The following GRHL1 variants were observed in gnomAD, a reference collection of about 807,000 sequenced individuals.
GRHL1 encodes the protein grainyhead-like protein 1 homolog.
A neutral mutation model predicts 75.7 loss-of-function variants in GRHL1; 38 were observed. The observed-to-expected ratio is 0.50, with a 90% CI of 0.39 to 0.66. GRHL1 has a LOEUF of 0.66. GRHL1 is among the 30% of genes least tolerant of loss of function. The pLI, the probability that GRHL1 is intolerant of heterozygous loss-of-function variation, is 0.00. For synonymous variants in GRHL1, 266 were observed against 279.4 expected, an observed-to-expected ratio of 0.95 and a Z score of 0.48; for missense variants, 589 against 767.5, an observed-to-expected ratio of 0.77 and a Z score of 2.75.
chr2:9,966,813 G>A (rs1667513782), intron 8 of GRHL1, among the ~76,000 whole-genome samples: 1 of 152,130 alleles, frequency 6.6e-6, no homozygotes, highest in African/African-American at 2.4e-5. Context: ...GGGCCCACCA[G>A]GCAGTGAGGA....
chr2:9,969,880 T>C (rs949041190), intron 8 of GRHL1, among the ~76,000 whole-genome samples: 1 of 149,872 alleles, frequency 6.7e-6, no homozygotes, highest in Non-Finnish European at 1.5e-5. Context: ...TCTCACTCTT[T>C]CGCCCAGGCT....
chr2:9,973,745 G>A (rs573086531), intron 8 of GRHL1, among the ~76,000 whole-genome samples: 1 of 152,286 alleles, frequency 6.6e-6, no homozygotes, highest in South Asian at 2.1e-4. Context: ...CAATTTAGTA[G>A]ATAGGTTACT....
chr2:9,987,827 A>AG lies in GRHL1; in HGVS notation c.1269+1546dup, dbSNP rs1295390663. On this transcript the variant is annotated intron_variant, in intron 9 of 15. Coordinates refer to ENST00000324907, the MANE Select transcript of GRHL1 (RefSeq NM_198182.3). This position sits in a 1 kb window ranked among gnomAD's most constrained non-coding sequence, Gnocchi z 4.2. ...GATGAGTGGACATTCCATTGAACTAAGACAGCAAGATCTTGAGTTTTTCCT... is the reference window on the plus strand; with the variant it reads ...GATGAGTGGACATTCCATTGAACTAAGGACAGCAAGATCTTGAGTTTTTCCT... Among the ~76,000 whole-genome samples, 2 of 152,202 alleles carry AG rather than the reference A, an allele frequency of 1.3e-5. No individual in the cohort carries two copies. The highest frequency in any genetic ancestry group is 2.4e-5 in the African/African-American group (1 of 41,452).
intron 14 of GRHL1, among the ~76,000 whole-genome samples, chr2:9,997,828 A>C (rs1260405252): frequency 6.6e-6 from 1 of 151,994 alleles, no homozygotes; most frequent in African/African-American, 2.4e-5. Flanking sequence ...CAAAAAAAAA[A>C]AAACAACAAA....
intron 8 of GRHL1, among the ~76,000 whole-genome samples, chr2:9,982,164 T>A (rs77246846): frequency 3.2e-4 from 49 of 152,208 alleles, no homozygotes; most frequent in Non-Finnish European, 1.0e-4. Context: ...TCTGTAAAAA[T>A]TTTGTTTAAT....
chr2:9,998,782 G>GTA (rs199689931), intron 14 of GRHL1, among the ~76,000 whole-genome samples, 183 bp from the exon 15 acceptor site: 1 of 28,448 alleles, frequency 3.5e-5, no homozygotes, highest in Non-Finnish European at 6.0e-5. Context: ...ACATATATAC[G>GTA]TATATATATG....
At chr2:9,981,236 T>G in intron 8 of GRHL1, among the ~76,000 whole-genome samples, 1 of 152,198 alleles carries the variant, frequency 6.6e-6, no homozygotes, top group Non-Finnish European at 1.5e-5. Context: ...CACTTCTCCC[T>G]CAGAACTTAC....
At chr2:9,952,053 G>A (rs939208251) in intron 1 of GRHL1, among the ~76,000 whole-genome samples, 200 bp downstream of exon 1, 3 of 151,824 alleles carry the variant, frequency 2.0e-5, no homozygotes, top group Non-Finnish European at 4.4e-5. Context: ...GGAGCCTCGG[G>A]AGGAGAGACC....
At chr2:9,998,567 T>C (rs1669024730) in intron 14 of GRHL1, among the ~76,000 whole-genome samples, 1 of 62,134 alleles carries the variant, frequency 1.6e-5, no homozygotes, top group African/African-American at 1.5e-4. Flanking sequence ...TGTGTACATG[T>C]ATATATATAC....
rs1171600657 is a variant in GRHL1 at position 9,954,965 on chromosome 2, G to A, written c.71G>A (p.Arg24Gln). 22 of 1,613,306 alleles carry A rather than the reference G, an allele frequency of 1.4e-5. No homozygotes were observed. The highest frequency in any genetic ancestry group is 1.6e-4 in the Middle Eastern group (1 of 6,062). ...AATGAAGCACTTTATCCACAGCGGC[G>A]GTCCTACACTAGTGAGGATGAGGCC... ...LQNEALYPQR[R>Q]SYTSEDEAWK... The change falls in exon 2 of 16, where the codon CGG becomes CAG. Residue 24 changes from arginine (R) to glutamine (Q), a missense_variant. Physicochemically the swap from Arg to Gln is conservative, Grantham distance 43 (BLOSUM62 1). Transcript: ENST00000324907.
chr2:9,958,953 T>C lies in GRHL1; in HGVS notation c.278+97T>C, dbSNP rs10192887. ...GTTTGTTTAAATGAACAACCACTAGTGAAAGAGATAGGTAAGTTGGACTCT... is the reference window on the plus strand; with the variant it reads ...GTTTGTTTAAATGAACAACCACTAGCGAAAGAGATAGGTAAGTTGGACTCT... On this transcript the variant is annotated intron_variant, in intron 3 of 15. Coordinates refer to ENST00000324907, the MANE Select transcript of GRHL1 (RefSeq NM_198182.3). 257 of 1,520,134 alleles carry C rather than the reference T, an allele frequency of 1.7e-4. No individual in the cohort carries two copies. In the African/African-American group the frequency reaches 3.2e-3, roughly 19 times the overall value. The allele number at this position is 1,520,134 out of a possible 1,614,324, so 94.2% of individuals were successfully genotyped here. A position where few individuals can be genotyped will look rare whatever the true frequency, so the allele number is the denominator to read the frequency against.
intron 3 of GRHL1, 173 bp from the exon 4 acceptor site, chr2:9,960,873 G>A (rs1380518661): frequency 2.9e-5 from 16 of 543,952 alleles, no homozygotes; most frequent in Non-Finnish European, 4.8e-5. Context: ...TTATTTGACC[G>A]ATAACCAGAA....
rs367703344 is a variant in GRHL1 at position 9,999,453 on chromosome 2, C to T, written c.1742+424C>T. ...CTCCGTGTGTCGAGCCCGTTGGAGC[C>T]GGGCACTGGGTTGGGCACGTCCCAC... On this transcript the variant is annotated intron_variant, in intron 15 of 15. Transcript: ENST00000324907. 1.8e-4 allele frequency among the ~76,000 whole-genome samples: 27 copies of T among 152,342 alleles called. 1 individual carries two copies. The highest frequency in any genetic ancestry group is 6.3e-4 in the African/African-American group (26 of 41,584).
At position 9,961,427 on chromosome 2, in the gene GRHL1, C is replaced by T. The variant is rs1014433260; in HGVS notation, c.660C>T (p.Gly220=). 4 of 1,604,626 alleles carry T rather than the reference C, an allele frequency of 2.5e-6. No individual in the cohort carries two copies. In the African/African-American group the frequency reaches 4.0e-5, roughly 16 times the overall value. The change falls in exon 4 of 16, where the codon GGC becomes GGT. Residue 220 remains glycine, a synonymous_variant. Coordinates refer to ENST00000324907, the MANE Select transcript of GRHL1 (RefSeq NM_198182.3). ...DSTFSETFKE[G]VQEVFFPSDL... Reference sequence around the variant, plus strand: ...CCTTCTCAGAGACCTTCAAGGAAGGCGTTCAGGAGGTAAGGAAACAAAAAC... The same window carrying T: ...CCTTCTCAGAGACCTTCAAGGAAGGTGTTCAGGAGGTAAGGAAACAAAAAC...
intron 1 of GRHL1, among the ~76,000 whole-genome samples, chr2:9,954,376 A>G (rs1186615053): frequency 6.6e-6 from 1 of 152,086 alleles, no homozygotes; most frequent in Non-Finnish European, 1.5e-5. Flanking sequence ...GCTTTCTCAT[A>G]TACCCTGGAG....
Position 9,962,469 on chromosome 2 carries a change from G to A in GRHL1, c.684G>A (p.Ser228=), listed in dbSNP as rs1667318703. 3.1e-6 allele frequency: 5 copies of A among 1,597,446 alleles called. No homozygotes were observed. Among genetic ancestry groups the A allele is most frequent in the African/African-American group, 1.3e-5 (1 of 74,628 alleles). Residue 228 remains serine, a synonymous_variant, in exon 5 of 16, where the codon TCG becomes TCA. Coordinates refer to ENST00000324907, the MANE Select transcript of GRHL1 (RefSeq NM_198182.3). ...KEGVQEVFFP[S]DLSLRMPGMN... ...TGATATTTCAGGTTTTCTTCCCCTC[G>A]GATCTCAGTCTGCGGATGCCTGGCA...
At chr2:9,993,643 G>C (rs906719916) in intron 12 of GRHL1, among the ~76,000 whole-genome samples, 1 of 152,178 alleles carries the variant, frequency 6.6e-6, no homozygotes, top group African/African-American at 2.4e-5. Context: ...CTTAGTTTGC[G>C]TGTGTCTGCT....
intron 3 of GRHL1, 120 bp downstream of exon 3, chr2:9,958,976 T>A: frequency 2.2e-6 from 3 of 1,394,256 alleles, no homozygotes; most frequent in South Asian, 3.1e-5. Context: ...TAAGTTGGAC[T>A]CTTACTATCT....
rs77800953 is a variant in GRHL1, at chr2:9,965,573, G to C, written c.1110+192G>C. On this transcript the variant is annotated intron_variant, in intron 8 of 15. Transcript: ENST00000324907. ...CATTTTTGTTGCCATCCTTTGCACA[G>C]AGTCCAGTGTGTGAAACATTGAGAT... 8.7e-4 allele frequency: 491 copies of C among 567,092 alleles called. 1 individual carries two copies. In the African/African-American group the frequency reaches 8.8e-3, roughly 10 times the overall value. The allele number at this position is 567,092 out of a possible 1,614,324, so 35.1% of individuals were successfully genotyped here.
Sources: allele counts gnomAD v4.1 joint callset (sites outside exome capture counted in the v4.1 genomes callset), GRCh38; gene constraint gnomAD v4.1.1; non-coding constraint Gnocchi (gnomAD v3.1); transcripts MANE v1.5; gene names NCBI Gene and HGNC (gene_info 2026-07-23, HGNC 2026-07-21).